Variants in PROSER3 observed in about 807,000 individuals in gnomAD.
PROSER3 encodes proline and serine-rich protein 3.
Under a neutral mutation model 50.2 loss-of-function variants are expected in PROSER3, and 33 were observed. The ratio of observed to expected loss-of-function variants is 0.66; its 90% CI spans 0.50 to 0.88. The LOEUF (loss-of-function observed/expected upper bound fraction) is 0.88, where lower values mean the gene tolerates loss of function less well. Among genes scored for constraint, PROSER3 ranks in the 40% least tolerant of loss-of-function variants. PROSER3 has a pLI of 0.00. For missense variants in PROSER3, 623 were observed against 612.7 expected (o/e 1.02, Z -0.18); for synonymous variants, 266 against 259.3 (o/e 1.03, Z -0.25).
chr19:35,765,198 CTG>C (rs1256229486), intron 7 of PROSER3, 22 bp downstream of exon 7: 1 of 1,608,942 alleles, frequency 6.2e-7, no homozygotes, highest in East Asian at 2.2e-5. Flanking sequence ...GAGGCAAAGA[CTG>C]AGGGCAGCCT....
At position 35,766,868 on chromosome 19, in the gene PROSER3, G is replaced by A; in HGVS notation, c.870G>A (p.Trp290Ter). Reference sequence around the variant, plus strand: ...CAGAGGATGACATTCTGTACCAGTGGCGGCAGCGGCGGAAGCTTGAACAGG... The same window carrying A: ...CAGAGGATGACATTCTGTACCAGTGACGGCAGCGGCGGAAGCTTGAACAGG... Residue 290 changes from tryptophan to a stop codon, truncating the protein, a stop_gained, in exon 8 of 11, where the codon TGG becomes TGA. Transcript: ENST00000396908. LOFTEE classifies it high-confidence loss of function. The A allele has an allele frequency of 6.4e-7, 1 of 1,551,692 alleles. No individual in the cohort carries two copies. The highest frequency in any genetic ancestry group is 8.7e-7 in the Non-Finnish European group (1 of 1,146,998).
chr19:35,762,090 C>G (rs1396921106), exon 4 of PROSER3: 2 of 1,611,422 alleles, frequency 1.2e-6, no homozygotes, highest in East Asian at 4.5e-5. Flanking sequence ...CCAACCCCAG[C>G]TGACTTTTGG....
chr19:35,767,718 C>A, intron 8 of PROSER3: 1 of 1,509,854 alleles, frequency 6.6e-7, no homozygotes, highest in East Asian at 2.3e-5. Flanking sequence ...CCCCCTCCAC[C>A]CAAGGCTGGA....
chr19:35,758,338 C>A, intron 1 of PROSER3, 112 bp downstream of exon 1: 1 of 1,341,352 alleles, frequency 7.5e-7, no homozygotes, highest in Non-Finnish European at 9.9e-7. Flanking sequence ...GGCTCCACCG[C>A]ACTGGAACTA....
exon 11 of PROSER3, chr19:35,768,690 G>T: frequency 1.0e-6 from 1 of 969,564 alleles, no homozygotes; most frequent in African/African-American, 1.7e-5. Flanking sequence ...CTGCCCCATG[G>T]CTCTGCCCTG....
intron 8 of PROSER3, chr19:35,767,710 C>A: frequency 1.4e-6 from 2 of 1,461,564 alleles, no homozygotes; most frequent in East Asian, 2.3e-5. Context: ...TCGAGGGCCC[C>A]CCTCCACCCA....
downstream of PROSER3, among the ~76,000 whole-genome samples, chr19:35,770,417 C>T (rs1971296454): frequency 7.7e-6 from 1 of 129,440 alleles, no homozygotes; most frequent in Non-Finnish European, 1.6e-5. Flanking sequence ...GTCATCACCT[C>T]CTCTCTGGAC....
exon 11 of PROSER3, chr19:35,768,409 C>G: frequency 6.3e-7 from 1 of 1,595,734 alleles, no homozygotes; most frequent in Non-Finnish European, 8.5e-7. Flanking sequence ...TCCAGGGAAG[C>G]GGATGCCCGA....
chr19:35,760,132 G>A, intron 3 of PROSER3, 141 bp downstream of exon 3: 1 of 859,860 alleles, frequency 1.2e-6, no homozygotes, highest in East Asian at 2.8e-5. Flanking sequence ...AAGAACTCTG[G>A]TGCTAGACTG....
At chr19:35,767,801 A>T in intron 8 of PROSER3, 3 of 1,610,690 alleles carry the variant, frequency 1.9e-6, no homozygotes, top group South Asian at 1.1e-5. Context: ...GTGTCGGGCC[A>T]AGGCCGAGTC....
chr19:35,764,349 T>A (rs1189057336), intron 5 of PROSER3, among the ~76,000 whole-genome samples: 1 of 152,018 alleles, frequency 6.6e-6, no homozygotes, highest in African/African-American at 2.4e-5. Context: ...CCTCCAACCA[T>A]GATTTGTCCA....
intron 7 of PROSER3, 148 bp downstream of exon 7, chr19:35,765,324 A>T: frequency 9.2e-7 from 1 of 1,082,962 alleles, no homozygotes; most frequent in African/African-American, 1.6e-5. Context: ...TCAGGCATGG[A>T]GGCCGAGGCG....
rs1259757249 is a variant in PROSER3 at position 35,767,099 on chromosome 19, A to T, written c.957+144A>T. ...CTCTCCTGCTCCAGTGGAGACCCTC[A>T]GTTCTCTGGGGACCCAGCCTAACCA... On this transcript the variant is annotated intron_variant, in intron 8 of 10. Coordinates refer to ENST00000396908, the Ensembl canonical transcript of PROSER3. 38 of 1,099,398 alleles carry T rather than the reference A, an allele frequency of 3.5e-5. No individual in the cohort carries two copies. In the South Asian group the frequency reaches 5.9e-4, roughly 17 times the overall value. 68.1% of individuals were successfully genotyped at this position (1,099,398 alleles called of 1,614,324 possible). A position where few individuals can be genotyped will look rare whatever the true frequency, so the allele number is the denominator to read the frequency against.
chr19:35,766,413 G>A (rs546286269), intron 7 of PROSER3, among the ~76,000 whole-genome samples: 29 of 152,052 alleles, frequency 1.9e-4, no homozygotes, highest in Non-Finnish European at 3.7e-4. Context: ...CCGTGTGGTG[G>A]CACACGCCTT....
At position 35,768,270 on chromosome 19, in the gene PROSER3, C is replaced by A. The variant is rs757494448; in HGVS notation, c.1301+34C>A. Reference sequence around the variant, plus strand: ...CCCTCCATCCCCAGAGTCTATGACACTGGGCCCCGGAGACCTCTGAGACCC... The same window carrying A: ...CCCTCCATCCCCAGAGTCTATGACAATGGGCCCCGGAGACCTCTGAGACCC... On this transcript the variant is annotated intron_variant, in intron 10 of 10. Coordinates refer to ENST00000396908, the Ensembl canonical transcript of PROSER3. The A allele has an allele frequency of 2.5e-6, 4 of 1,599,442 alleles. No homozygotes were observed. In the South Asian group the frequency reaches 4.4e-5, roughly 18 times the overall value.
Position 35,768,074 on chromosome 19 carries a change from C to T in PROSER3, c.1219+9C>T, listed in dbSNP as rs773433428. On this transcript the variant is annotated intron_variant, in intron 9 of 10. Coordinates refer to ENST00000396908, the Ensembl canonical transcript of PROSER3. ...GCTGCAGGCTGCAGAAGGTGATGCC[C>T]GCGCCCTCCTGGATGTTGGAGGCAG... 7.6e-6 allele frequency: 12 copies of T among 1,584,712 alleles called. No homozygotes were observed. The highest frequency in any genetic ancestry group is 7.1e-5 in the Admixed American group (4 of 56,004).
chr19:35,767,379 C>G (rs1403735194), intron 8 of PROSER3: 1 of 258,080 alleles, frequency 3.9e-6, no homozygotes, highest in African/African-American at 2.4e-5. Flanking sequence ...GAACCCCCGG[C>G]CTCCACCCCA....
At position 35,766,774 on chromosome 19, in the gene PROSER3, CG is replaced by C. The variant is rs1599756250; in HGVS notation, c.778del (p.Ala260HisfsTer53). The stretch of plus-strand genomic sequence containing the variant: ...TCTCTACCTCCCCCTACAGCATCCC[CG>C]GCACCAGCCCAGGCCCAGACCCCCA... On this transcript the variant is annotated frameshift_variant, in exon 8 of 11. Transcript: ENST00000396908. LOFTEE classifies it high-confidence loss of function. 1 of 1,547,738 alleles carries C rather than the reference CG, an allele frequency of 6.5e-7. No homozygotes were observed. The highest frequency in any genetic ancestry group is 2.0e-5 in the Admixed American group (1 of 50,850).
At chr19:35,766,935 A>T in exon 8 of PROSER3, 1 of 1,554,120 alleles carries the variant, frequency 6.4e-7, no homozygotes, top group Non-Finnish European at 8.7e-7. Context: ...GCCGCCTCTG[A>T]CCCCTGCCCT....
Sources: allele counts gnomAD v4.1 joint callset (sites outside exome capture counted in the v4.1 genomes callset), GRCh38; gene constraint gnomAD v4.1.1; transcripts MANE v1.5; gene names NCBI Gene and HGNC (gene_info 2026-07-23, HGNC 2026-07-21).